The following FCGR2B variants were observed in gnomAD, a reference collection of about 807,000 sequenced individuals.
FCGR2B encodes the protein Fc gamma receptor IIb, also known as low affinity immunoglobulin gamma Fc region receptor II-b.
A neutral mutation model predicts 24.8 loss-of-function variants in FCGR2B; 18 were observed. The observed-to-expected ratio is 0.73, with a 90% CI of 0.50 to 1.08. The LOEUF is 1.08. Ranked by LOEUF, FCGR2B falls within the 50% of genes least tolerant of loss-of-function variation. The pLI is 0.00. For missense variants in FCGR2B, 215 were observed against 297.6 expected (o/e 0.72, Z 2.04); for synonymous variants, 79 against 109.8 (o/e 0.72, Z 1.75).
chr1:161,654,167 G>A, the FCGR2B span, among the ~76,000 whole-genome samples: 1 of 136,296 alleles, frequency 7.3e-6, no homozygotes, highest in African/African-American at 2.5e-5. Flanking sequence ...GATTTTTTCA[G>A]GGCAGTGGCT....
chr1:161,649,220 G>A, the FCGR2B span, among the ~76,000 whole-genome samples: 3 of 150,500 alleles, frequency 2.0e-5, no homozygotes, highest in Non-Finnish European at 4.4e-5. Context: ...AGCAGTTAGT[G>A]TCAAAGGAAG....
chr1:161,654,446 C>A, the FCGR2B span, among the ~76,000 whole-genome samples: 8 of 137,002 alleles, frequency 5.8e-5, 1 homozygote, highest in Admixed American at 2.2e-4. Context: ...CTGGGCCCTT[C>A]TTCCAGTGAT....
At chr1:161,649,573 G>C in the FCGR2B span, among the ~76,000 whole-genome samples, 7,981 of 150,276 alleles carry the variant, frequency 0.053, 433 homozygotes, top group Non-Finnish European at 0.077. Flanking sequence ...AATTGGAACG[G>C]AGCAAGACTG....
the FCGR2B span, among the ~76,000 whole-genome samples, chr1:161,652,519 C>G: frequency 7.4e-6 from 1 of 134,632 alleles, no homozygotes; most frequent in African/African-American, 2.6e-5. Context: ...TCTACCTTTT[C>G]CACTAGAGCC....
chr1:161,677,436 C>G (rs1682242847), intron 7 of FCGR2B, 40 bp from the exon 8 acceptor site: 3 of 1,607,800 alleles, frequency 1.9e-6, no homozygotes, highest in African/African-American at 1.3e-5. Context: ...TTCCTAGGCC[C>G]TCTCTGTGGA....
chr1:161,676,560 A>G (rs1682158285), intron 6 of FCGR2B: 1 of 165,984 alleles, frequency 6.0e-6, no homozygotes, highest in South Asian at 2.0e-4. Context: ...GATTCTTGGG[A>G]AATGTAATAG....
chr1:161,661,207 AAAGAAAGAAAGAAAGAAAG>A (rs965379701), upstream of FCGR2B, among the ~76,000 whole-genome samples: 5 of 82,564 alleles, frequency 6.1e-5, 1 homozygote, highest in African/African-American at 2.6e-4. Flanking sequence ...AGAAAGAAAG[AAAGAAAGAAAGAAAGAAAG>A]AAAGAAAGAA....
At chr1:161,677,021 A>T in intron 6 of FCGR2B, 1 of 404,266 alleles carries the variant, frequency 2.5e-6, no homozygotes, top group Non-Finnish European at 4.4e-6. Flanking sequence ...CCTCTTCCCC[A>T]ATATCTCAGA....
chr1:161,648,459 C>T, the FCGR2B span, among the ~76,000 whole-genome samples: 1 of 148,642 alleles, frequency 6.7e-6, no homozygotes, highest in African/African-American at 2.5e-5. Context: ...TGTGCGTTTC[C>T]CTGATAAGTA....
In FCGR2B at chr1:161,675,396, C is replaced by A. The variant is rs1197966425; in HGVS notation, c.817+83C>A. On this transcript the variant is annotated intron_variant, in intron 6 of 7. Transcript: ENST00000358671. ...TGGAGCCAGGGAGAAGGGGCTTGTGCAAGTTCAGCTGGGAGCCAGGGAGGG... is the reference window on the plus strand; with the variant it reads ...TGGAGCCAGGGAGAAGGGGCTTGTGAAAGTTCAGCTGGGAGCCAGGGAGGG... 30 of 1,003,862 alleles carry A rather than the reference C, an allele frequency of 3.0e-5. 1 individual carries two copies. In the East Asian group the frequency reaches 3.9e-4, roughly 13 times the overall value. 62.2% of individuals were successfully genotyped at this position (1,003,862 alleles called of 1,614,324 possible). A position where few individuals can be genotyped will look rare whatever the true frequency, so the allele number is the denominator to read the frequency against.
the FCGR2B span, among the ~76,000 whole-genome samples, chr1:161,650,043 T>G: frequency 6.6e-6 from 1 of 150,606 alleles, no homozygotes; most frequent in African/African-American, 2.5e-5. Context: ...AGTCTCACTC[T>G]GTTGCCCAAG....
rs57435101 is a variant in FCGR2B at position 161,671,204 on chromosome 1, C to T, written c.134-188C>T. ...CCTGTTGCCCTGTCGGAGTCCTGGG[C>T]TCCCTGGGGCCGTTGTGGTGGGATG... On this transcript the variant is annotated intron_variant, in intron 2 of 7. Coordinates refer to ENST00000358671, the MANE Select transcript of FCGR2B (RefSeq NM_001394477.1). Among the ~76,000 whole-genome samples the T allele has an allele frequency of 1.1e-3, 172 of 152,182 alleles. 6 individuals are homozygous for T. The South Asian group carries it at 0.029, about 26-fold the overall frequency.
intron 1 of FCGR2B, among the ~76,000 whole-genome samples, chr1:161,663,751 G>C (rs1206135930): frequency 6.6e-6 from 1 of 152,244 alleles, no homozygotes; most frequent in Non-Finnish European, 1.5e-5. Context: ...TAAGGGGTAG[G>C]GAGGAAGTTG....
Position 161,672,959 on chromosome 1 carries a change from T to G in FCGR2B, c.392-16T>G, listed in dbSNP as rs1356199426. 2 of 1,613,750 alleles carry G rather than the reference T, an allele frequency of 1.2e-6. No homozygotes were observed. Among genetic ancestry groups the G allele is most frequent in the Non-Finnish European group, 1.7e-6 (2 of 1,179,802 alleles). On this transcript the variant is annotated splice_polypyrimidine_tract_variant and intron_variant, in intron 3 of 7. Transcript: ENST00000358671. ...CAAGACCTCCCGGGTCCTCTGCGGTTTTTTGTGTCTTTCAGAGTGGCTGGT... is the reference window on the plus strand; with the variant it reads ...CAAGACCTCCCGGGTCCTCTGCGGTGTTTTGTGTCTTTCAGAGTGGCTGGT...
intron 3 of FCGR2B, 140 bp downstream of exon 3, chr1:161,671,789 GTTGT>G (rs1248793010): frequency 4.5e-5 from 67 of 1,486,810 alleles, no homozygotes; most frequent in Middle Eastern, 4.1e-4. Flanking sequence ...CATATCAGTG[GTTGT>G]TTTTGCCTCA....
chr1:161,668,950 G>GAC (rs937414728), intron 1 of FCGR2B, among the ~76,000 whole-genome samples: 16 of 103,936 alleles, frequency 1.5e-4, no homozygotes, highest in Admixed American at 7.8e-4. Context: ...TGGACAGATG[G>GAC]ACACACACAC....
chr1:161,649,450 T>C, the FCGR2B span, among the ~76,000 whole-genome samples: 2 of 151,112 alleles, frequency 1.3e-5, no homozygotes, highest in Admixed American at 6.6e-5. Context: ...AACTCTACCC[T>C]GCTGTCATCT....
At chr1:161,651,776 A>G in the FCGR2B span, among the ~76,000 whole-genome samples, 5 of 120,574 alleles carry the variant, frequency 4.1e-5, no homozygotes, top group Non-Finnish European at 9.5e-5. Context: ...TCTACTAAAA[A>G]CACAAAATTA....
chr1:161,676,030 G>T (rs1438747398), intron 6 of FCGR2B: 6 of 231,940 alleles, frequency 2.6e-5, no homozygotes, highest in South Asian at 1.8e-4. Context: ...GACCTCTCAG[G>T]TCTTCTAGAT....
Sources: gnomAD v4.1 joint callset for allele counts (sites outside exome capture counted in the v4.1 genomes callset) on GRCh38, gnomAD v4.1.1 for gene constraint, MANE v1.5 for transcripts, NCBI Gene and HGNC (gene_info 2026-07-23, HGNC 2026-07-21) for gene names.